Variants in SENP1 observed in about 807,000 individuals in gnomAD.
The protein encoded by SENP1 is sentrin-specific protease 1.
A neutral mutation model predicts 93.0 loss-of-function variants in SENP1; 21 were observed. That is an observed-to-expected ratio of 0.23 (90% confidence interval 0.16 to 0.33). The LOEUF (loss-of-function observed/expected upper bound fraction) is 0.33, where lower values mean the gene tolerates loss of function less well. Among genes scored for constraint, SENP1 ranks in the 10% least tolerant of loss-of-function variants. SENP1 has a pLI of 1.00. For missense variants in SENP1, 591 were observed against 758.7 expected (o/e 0.78, Z 2.60); for synonymous variants, 256 against 259.6 (o/e 0.99, Z 0.13).
chr12:48,105,805 C>T, intron 1 of SENP1: 3 of 592,554 alleles, frequency 5.1e-6, no homozygotes, highest in Middle Eastern at 9.0e-4. Flanking sequence ...GAAGGAACGG[C>T]CTCAGGTAGC....
chr12:48,105,441 A>T (rs764973545), intron 1 of SENP1: 2 of 519,062 alleles, frequency 3.9e-6, no homozygotes, highest in East Asian at 1.1e-4. Context: ...GTGGCAGTTA[A>T]GGGGATTTTC....
Position 48,066,961 on chromosome 12 carries a change from T to G in SENP1, c.1000A>C (p.Thr334Pro), listed in dbSNP as rs1213456848. Residue 334 changes from threonine (T) to proline (P), a missense_variant, in exon 10 of 18, where the codon ACT (threonine) becomes CCT (proline). By Grantham distance (38) the Thr-to-Pro change is conservative (BLOSUM62 -1). Coordinates refer to ENST00000549518, the MANE Select transcript of SENP1 (RefSeq NM_001267594.2). Reference sequence around the variant, plus strand: ...ATCCACAGCTCTGCCTGGAAGAAAGTAGAACTATGGGTAGGAAAAGAAAAA... The same window carrying G: ...ATCCACAGCTCTGCCTGGAAGAAAGGAGAACTATGGGTAGGAAAAGAAAAA... ...KDSQTPTPSS[T>P]FFQAELWIKE... 1 of 1,560,484 alleles carries G rather than the reference T, an allele frequency of 6.4e-7. No homozygotes were observed. Among genetic ancestry groups the G allele is most frequent in the African/African-American group, 1.4e-5 (1 of 73,562 alleles).
rs139089616 is a variant in SENP1 at position 48,076,854 on chromosome 12, C to T, written c.553-2061G>A. ...TAGAGACGGGGTTTCACCATGTTGGCCACAATGGTCTCGATCTCCTGACCT... is the reference window on the plus strand; with the variant it reads ...TAGAGACGGGGTTTCACCATGTTGGTCACAATGGTCTCGATCTCCTGACCT... On this transcript the variant is annotated intron_variant, in intron 6 of 17. Coordinates refer to ENST00000549518, the MANE Select transcript of SENP1 (RefSeq NM_001267594.2). Among the ~76,000 whole-genome samples the T allele has an allele frequency of 1.6e-3, 248 of 151,678 alleles. 1 individual carries two copies. The highest frequency in any genetic ancestry group is 5.6e-3 in the African/African-American group (230 of 41,346).
intron 13 of SENP1, among the ~76,000 whole-genome samples, chr12:48,062,568 T>C (rs757422990): frequency 2.0e-5 from 3 of 152,222 alleles, no homozygotes; most frequent in Non-Finnish European, 2.9e-5. Flanking sequence ...GGACATGATA[T>C]ATGGCTCCTA....
In SENP1 at chr12:48,095,176, T is replaced by C. The variant is rs1945473853; in HGVS notation, c.220+1167A>G. Among the ~76,000 whole-genome samples, 10 of 152,258 alleles carry C rather than the reference T, an allele frequency of 6.6e-5. No individual in the cohort carries two copies. In the South Asian group the frequency reaches 2.1e-3, roughly 32 times the overall value. On this transcript the variant is annotated intron_variant, in intron 4 of 17. Transcript: ENST00000549518. ...GAGATCTCATCTTGCTGACAAAGAATCCTAAGGAAGCCAAATAACAAGAAT... is the reference window on the plus strand; with the variant it reads ...GAGATCTCATCTTGCTGACAAAGAACCCTAAGGAAGCCAAATAACAAGAAT...
At position 48,101,522 on chromosome 12, in the gene SENP1, AAAG is replaced by A. The variant is rs745974925; in HGVS notation, c.-44-9_-44-7del. ...TTTAGCAAAGATACAAAGTCCTATA[AAAG>A]AAGACACAAAACAGAAAAATTACAT... On this transcript the variant is annotated splice_region_variant and splice_polypyrimidine_tract_variant and intron_variant, in intron 1 of 17. Transcript: ENST00000549518. 131 of 1,535,432 alleles carry A rather than the reference AAAG, an allele frequency of 8.5e-5. No individual in the cohort carries two copies. Among genetic ancestry groups the A allele is most frequent in the Non-Finnish European group, 1.1e-4 (127 of 1,120,942 alleles).
At chr12:48,080,748 T>C (rs776832007) in intron 6 of SENP1, among the ~76,000 whole-genome samples, 6 of 152,244 alleles carry the variant, frequency 3.9e-5, no homozygotes, top group Non-Finnish European at 8.8e-5. Context: ...ATATTTTGTA[T>C]TATTCATGTT....
At chr12:48,072,465 A>G (rs1943772451) in intron 8 of SENP1, among the ~76,000 whole-genome samples, 2 of 152,136 alleles carry the variant, frequency 1.3e-5, no homozygotes, top group African/African-American at 4.8e-5. Context: ...AAGAATACAA[A>G]AATTAGCTGG....
chr12:48,099,478 A>G (rs1945778755), intron 2 of SENP1, among the ~76,000 whole-genome samples: 1 of 152,238 alleles, frequency 6.6e-6, no homozygotes, highest in Admixed American at 6.5e-5. Flanking sequence ...ACACACTGTT[A>G]ACACTGGTTC....
chr12:48,076,446 T>G (rs1944088005), intron 6 of SENP1, among the ~76,000 whole-genome samples: 2 of 152,004 alleles, frequency 1.3e-5, no homozygotes, highest in African/African-American at 4.8e-5. Flanking sequence ...TGCCTCAGCC[T>G]CTGGACTAGC....
intron 6 of SENP1, among the ~76,000 whole-genome samples, chr12:48,082,456 T>C (rs747969348): frequency 2.0e-5 from 3 of 152,198 alleles, no homozygotes; most frequent in African/African-American, 4.8e-5. Flanking sequence ...CCTATGACCC[T>C]TATTTTCCTA....
intron 13 of SENP1, among the ~76,000 whole-genome samples, chr12:48,049,843 T>C (rs1447144506): frequency 6.6e-6 from 1 of 152,196 alleles, no homozygotes; most frequent in Non-Finnish European, 1.5e-5. Flanking sequence ...ATATGAGACC[T>C]AAAGTCAAGT....
intron 2 of SENP1, among the ~76,000 whole-genome samples, chr12:48,099,744 G>C (rs1040157056): frequency 6.6e-5 from 10 of 152,102 alleles, no homozygotes; most frequent in Non-Finnish European, 1.3e-4. Context: ...CCAAGGCAGA[G>C]GATGGAGTGA....
chr12:48,093,306 T>TG (rs1945333781), intron 4 of SENP1, among the ~76,000 whole-genome samples: 1 of 118,898 alleles, frequency 8.4e-6, no homozygotes, highest in South Asian at 2.7e-4. Context: ...TTTTTGGAAA[T>TG]GGAGTCTCAC....
At chr12:48,059,387 T>C (rs1942807506) in intron 13 of SENP1, among the ~76,000 whole-genome samples, 1 of 152,180 alleles carries the variant, frequency 6.6e-6, no homozygotes, top group Non-Finnish European at 1.5e-5. Flanking sequence ...AATACTACCT[T>C]ATATATTTTT....
intron 1 of SENP1, chr12:48,105,046 A>C: frequency 1.1e-5 from 2 of 183,866 alleles, no homozygotes; most frequent in East Asian, 2.7e-4. Context: ...CCTTAACACA[A>C]ATTATTTTTA....
In SENP1 at chr12:48,066,953, G is replaced by A; in HGVS notation, c.1008C>T (p.Phe336=). 6.4e-7 allele frequency: 1 copy of A among 1,562,204 alleles called. No homozygotes were observed. Among genetic ancestry groups the A allele is most frequent in the Non-Finnish European group, 8.7e-7 (1 of 1,151,540 alleles). The part of the protein sequence containing the change: ...SQTPTPSSTF[F]QAELWIKELT... The stretch of plus-strand genomic sequence containing the variant: ...ATTCTTTGATCCACAGCTCTGCCTG[G>A]AAGAAAGTAGAACTATGGGTAGGAA... The change falls in exon 10 of 18, where the codon TTC becomes TTT. Residue 336 remains phenylalanine, a synonymous_variant. Coordinates refer to ENST00000549518, the MANE Select transcript of SENP1 (RefSeq NM_001267594.2).
At chr12:48,093,873 G>T (rs1012747898) in intron 4 of SENP1, among the ~76,000 whole-genome samples, 1 of 152,146 alleles carries the variant, frequency 6.6e-6, no homozygotes, top group Non-Finnish European at 1.5e-5. Context: ...GGCTGAGGTG[G>T]GAGGATCACA....
At chr12:48,065,749 C>T in intron 10 of SENP1, 69 bp from the exon 11 acceptor site, 2 of 966,912 alleles carry the variant, frequency 2.1e-6, no homozygotes, top group Non-Finnish European at 3.2e-6. Flanking sequence ...TTGATGTACA[C>T]TGAATATTAA....
Sources: allele counts gnomAD v4.1 joint callset (sites outside exome capture counted in the v4.1 genomes callset), GRCh38; gene constraint gnomAD v4.1.1; transcripts MANE v1.5; gene names NCBI Gene and HGNC (gene_info 2026-07-23, HGNC 2026-07-21).